VNN1: variants seen among roughly 807,000 people sequenced by gnomAD.
The protein encoded by VNN1 is pantetheinase.
In VNN1, 29 loss-of-function variants were observed where a neutral mutation model predicts 41.9. That is an observed-to-expected ratio of 0.69 (90% confidence interval 0.52 to 0.94). The LOEUF is 0.94. Among genes scored for constraint, VNN1 ranks in the 40% least tolerant of loss-of-function variants. The pLI, the probability that VNN1 is intolerant of heterozygous loss-of-function variation, is 0.00. For missense variants in VNN1, 637 were observed against 621.1 expected (o/e 1.03, Z -0.27); for synonymous variants, 233 against 224.4 (o/e 1.04, Z -0.34).
At chr6:132,699,088 G>T in intron 2 of VNN1, 1 of 279,650 alleles carries the variant, frequency 3.6e-6, no homozygotes, top group Admixed American at 4.1e-5. Context: ...TCTTCTATTC[G>T]GCTGTAAAAT....
intron 2 of VNN1, among the ~76,000 whole-genome samples, chr6:132,703,207 A>G (rs1014424027): frequency 6.6e-6 from 1 of 152,200 alleles, no homozygotes; most frequent in African/African-American, 2.4e-5. Flanking sequence ...AACCAATAAG[A>G]AAGCATCTTA....
At chr6:132,712,832 A>G (rs1030850002) in intron 1 of VNN1, among the ~76,000 whole-genome samples, 3 of 152,176 alleles carry the variant, frequency 2.0e-5, no homozygotes, top group East Asian at 3.9e-4. Flanking sequence ...CCTTTTAAAT[A>G]TTAGTATATA....
intron 2 of VNN1, among the ~76,000 whole-genome samples, chr6:132,697,677 C>A (rs12664574): frequency 0.047 from 7,036 of 150,330 alleles, 355 homozygotes; most frequent in South Asian, 0.14. Context: ...GATCTACAAA[C>A]AAATTTGTAT....
In VNN1 at chr6:132,693,304, GA is replaced by G; in HGVS notation, c.545del (p.Phe182SerfsTer16). The G allele has an allele frequency of 6.2e-7, 1 of 1,601,408 alleles. No individual in the cohort carries two copies. The highest frequency in any genetic ancestry group is 1.1e-5 in the South Asian group (1 of 88,914). ...GTACATTGAATTGATTTTCACCCAT[GA>G]AAAGGTTTTGCTGCAATAAACAGAA... ...LVARYHKQNL[F>X]MGENQFNVPK... On this transcript the variant is annotated frameshift_variant, in exon 4 of 7. Coordinates refer to ENST00000367928, the MANE Select transcript of VNN1 (RefSeq NM_004666.3). LOFTEE classifies it high-confidence loss of function.
At position 132,692,538 on chromosome 6, in the gene VNN1, A is replaced by G. The variant is rs756093460; in HGVS notation, c.873T>C (p.Asp291=). 1.2e-6 allele frequency: 2 copies of G among 1,606,344 alleles called. No homozygotes were observed. The highest frequency in any genetic ancestry group is 1.1e-5 in the South Asian group (1 of 90,334). The change falls in exon 5 of 7, where the codon GAT becomes GAC. Residue 291 remains aspartate (D), a synonymous_variant. Transcript: ENST00000367928. Reference sequence around the variant, plus strand: ...GGAGTTTTCCCTCTTCTGTCTTCATATCATAATGAAATGCTCTTGAAGAAT... The same window carrying G: ...GGAGTTTTCCCTCTTCTGTCTTCATGTCATAATGAAATGCTCTTGAAGAAT... ...APNSSRAFHY[D]MKTEEGKLLL... is the part of the protein sequence containing the mutation.
intron 2 of VNN1, 55 bp from the exon 3 acceptor site, chr6:132,694,237 A>G: frequency 6.7e-7 from 1 of 1,484,982 alleles, no homozygotes; most frequent in Non-Finnish European, 9.0e-7. Flanking sequence ...TTAACTCTCA[A>G]CAAAATCCTG....
intron 5 of VNN1, among the ~76,000 whole-genome samples, chr6:132,685,375 GT>G (rs918250629): frequency 5.3e-5 from 8 of 152,304 alleles, no homozygotes; most frequent in Admixed American, 4.6e-4. Flanking sequence ...TGGTCTTATT[GT>G]TTCCACTTTG....
intron 2 of VNN1, among the ~76,000 whole-genome samples, chr6:132,704,049 G>A (rs185499273): frequency 2.0e-5 from 3 of 152,120 alleles, no homozygotes; most frequent in Non-Finnish European, 2.9e-5. Flanking sequence ...TGAGCACACA[G>A]ATATATAAAG....
intron 2 of VNN1, among the ~76,000 whole-genome samples, chr6:132,708,785 G>A (rs1778554020): frequency 6.6e-6 from 1 of 152,064 alleles, no homozygotes; most frequent in South Asian, 2.1e-4. Flanking sequence ...ACTGCCCTCT[G>A]CTTCTTTGGT....
At position 132,692,353 on chromosome 6, in the gene VNN1, T is replaced by A. The variant is rs924388954; in HGVS notation, c.1058A>T (p.Asn353Ile). ...GAGATCTTTCTGACAAACTGTATAA[T>A]TTCCTGCAACTCCTGTGAGCTTCAC... Reference protein sequence around the residue: ...TFVKLTGVAGNYTVCQKDLCC... With the variant: ...TFVKLTGVAGIYTVCQKDLCC... Residue 353 changes from asparagine (N) to isoleucine (I), a missense_variant, in exon 5 of 7, where the codon AAT becomes ATT. By Grantham distance (149) the Asn-to-Ile change is moderately radical. Transcript: ENST00000367928. The A allele has an allele frequency of 8.7e-6, 14 of 1,614,202 alleles. No homozygotes were observed. Among genetic ancestry groups the A allele is most frequent in the Non-Finnish European group, 1.2e-5 (14 of 1,180,026 alleles).
Position 132,711,637 on chromosome 6 carries a change from T to A in VNN1, c.341+72A>T, listed in dbSNP as rs572736732. Reference sequence around the variant, plus strand: ...AATTGATCATGGATCTATGCAATGATCATCAACAAAGTTTTCCCAGGTAAA... The same window carrying A: ...AATTGATCATGGATCTATGCAATGAACATCAACAAAGTTTTCCCAGGTAAA... On this transcript the variant is annotated intron_variant, in intron 2 of 6. Transcript: ENST00000367928. The A allele has an allele frequency of 5.8e-6, 9 of 1,539,836 alleles. No homozygotes were observed. The South Asian group carries it at 1.1e-4, about 19-fold the overall frequency.
At chr6:132,685,164 G>A (rs554107556) in intron 5 of VNN1, among the ~76,000 whole-genome samples, 39 of 152,296 alleles carry the variant, frequency 2.6e-4, no homozygotes, top group African/African-American at 8.7e-4. Context: ...TCTATACTGC[G>A]CAAGAACTGA....
At chr6:132,689,986 T>C (rs190981457) in intron 5 of VNN1, among the ~76,000 whole-genome samples, 1 of 152,338 alleles carries the variant, frequency 6.6e-6, no homozygotes, top group Non-Finnish European at 1.5e-5. Context: ...TGCCACATTC[T>C]GGACTCTCCA....
chr6:132,713,968 T>C lies in VNN1; in HGVS notation c.68A>G (p.Asp23Gly). ...LFYVSRASCQ[D>G]TFTAAVYEHA... ...CTCATAAACAGCTGCAGTGAAAGTG[T>C]CCTGGCAGCTGGCTCTTGAGACATA... is the stretch of plus-strand genomic sequence containing the variant. Residue 23 changes from aspartate (D) to glycine (G), a missense_variant, in exon 1 of 7, where the codon GAC becomes GGC. Asp to Gly is a moderately conservative substitution (Grantham distance 94). Transcript: ENST00000367928. 2 of 1,614,162 alleles carry C rather than the reference T, an allele frequency of 1.2e-6. No individual in the cohort carries two copies. The highest frequency in any genetic ancestry group is 1.7e-6 in the Non-Finnish European group (2 of 1,180,018).
intron 3 of VNN1, 132 bp downstream of exon 3, chr6:132,693,858 T>C: frequency 9.4e-7 from 1 of 1,063,660 alleles, no homozygotes; most frequent in Admixed American, 2.3e-5. Flanking sequence ...CCACGCTTTA[T>C]CATTACTTTC....
At chr6:132,689,202 AT>A (rs1195510107) in intron 5 of VNN1, among the ~76,000 whole-genome samples, 1 of 151,874 alleles carries the variant, frequency 6.6e-6, no homozygotes, top group African/African-American at 2.4e-5. Context: ...TATTTTATGT[AT>A]TTTTTCCTTT....
intron 2 of VNN1, among the ~76,000 whole-genome samples, chr6:132,696,143 A>T (rs188153985): frequency 8.0e-4 from 122 of 152,208 alleles, no homozygotes; most frequent in African/African-American, 2.9e-3. Context: ...CAATAAAAAG[A>T]TAGAAAACCT....
rs1778149380 is a variant in VNN1, at chr6:132,682,991, A to G, written c.*149T>C. The G allele has an allele frequency of 3.6e-6, 2 of 553,762 alleles. No individual in the cohort carries two copies. The highest frequency in any genetic ancestry group is 5.0e-5 in the South Asian group (1 of 20,062). The allele number at this position is 553,762 out of a possible 1,614,324, so 34.3% of individuals were successfully genotyped here. A position where few individuals can be genotyped will look rare whatever the true frequency, so the allele number is the denominator to read the frequency against. On this transcript the variant is annotated 3_prime_UTR_variant, in exon 7 of 7. Transcript: ENST00000367928. The stretch of plus-strand genomic sequence containing the variant: ...CATTAACAGATAATTTATTAAGTTT[A>G]TATTATCTGGTGTGTGTGTGTTTGT...
chr6:132,699,211 G>A (rs2114357587), intron 2 of VNN1: 1 of 340,362 alleles, frequency 2.9e-6, no homozygotes, highest in Non-Finnish European at 5.9e-6. Context: ...TGGAGAAGTT[G>A]TAATGTAAAG....
Sources: gnomAD v4.1 joint callset for allele counts (sites outside exome capture counted in the v4.1 genomes callset) on GRCh38, gnomAD v4.1.1 for gene constraint, MANE v1.5 for transcripts, NCBI Gene and HGNC (gene_info 2026-07-23, HGNC 2026-07-21) for gene names.